The following ATF6 variants were observed in gnomAD, a reference collection of about 807,000 sequenced individuals.
ATF6 encodes the protein cyclic AMP-dependent transcription factor ATF-6 alpha.
In ATF6, 53 loss-of-function variants were observed where a neutral mutation model predicts 83.6. The ratio of observed to expected loss-of-function variants is 0.63; its 90% CI spans 0.51 to 0.80. ATF6 has a LOEUF of 0.80. Ranked by LOEUF, ATF6 falls within the 30% of genes least tolerant of loss-of-function variation. The pLI is 0.00. For synonymous variants in ATF6, 288 were observed against 285.8 expected (o/e 1.01, Z -0.08); for missense variants, 744 against 797.9 (o/e 0.93, Z 0.81).
chr1:161,947,769 A>G (rs1365531430), intron 15 of ATF6, among the ~76,000 whole-genome samples: 1 of 140,610 alleles, frequency 7.1e-6, no homozygotes, highest in Non-Finnish European at 1.5e-5. Flanking sequence ...ATTATTTCAT[A>G]TTATAGAAAT....
At position 161,958,646 on chromosome 1, in the gene ATF6, T is replaced by C. The variant is rs1323650007; in HGVS notation, c.2005T>C (p.Leu669=). ...THVVSTIPES[L]Q ...CGTTGTCAGCACCATCCCTGAGTCA[T>C]TACAATAGCACCCTGCAGCTATGCT... The change falls in exon 16 of 16, where the codon TTA becomes CTA. Residue 669 remains leucine, a synonymous_variant. Transcript: ENST00000367942. 2.2e-5 allele frequency: 36 copies of C among 1,611,532 alleles called. No individual in the cohort carries two copies. Among genetic ancestry groups the C allele is most frequent in the Non-Finnish European group, 3.1e-5 (36 of 1,178,856 alleles).
chr1:161,868,557 T>C (rs1687059292), intron 14 of ATF6, among the ~76,000 whole-genome samples: 1 of 152,102 alleles, frequency 6.6e-6, no homozygotes. Context: ...CAGCAATGCC[T>C]ACCACTGAGT....
rs534236103 is a variant in ATF6 at position 161,955,601 on chromosome 1, G to A, written c.1805-2845G>A. Among the ~76,000 whole-genome samples the A allele has an allele frequency of 4.6e-5, 7 of 152,302 alleles. No individual in the cohort carries two copies. In the South Asian group the frequency reaches 1.2e-3, roughly 27 times the overall value. On this transcript the variant is annotated intron_variant, in intron 15 of 15. Transcript: ENST00000367942. ...AGATTGCCTCACTAACTGTCCAAGG[G>A]TGTTAGTACTAAGCCACCCAAAGAA... is the stretch of plus-strand genomic sequence containing the variant.
At position 161,777,251 on chromosome 1, in the gene ATF6, G is replaced by A. The variant is rs116791819; in HGVS notation, c.83-993G>A. 8.4e-3 allele frequency among the ~76,000 whole-genome samples: 1,281 copies of A among 152,316 alleles called. 7 individuals carry two copies. Among genetic ancestry groups the A allele is most frequent in the Admixed American group, 0.017 (261 of 15,296 alleles). On this transcript the variant is annotated intron_variant, in intron 1 of 15. Transcript: ENST00000367942. ...TAAAGGAGTTTCAGCCTATATATAA[G>A]CCGCAGTCCTCTGCTTATATGTTTC...
rs2101924989 is a variant in ATF6 at position 161,958,531 on chromosome 1, T to C, written c.1890T>C (p.Ser630=). ...ACACCAGGATCCTCCATATCAAAAG[T>C]TCGTCAGTTCCTCCTTACCTCCGAG... ...VMDTRILHIK[S]SSVPPYLRDQ... Residue 630 remains serine (S), a synonymous_variant, in exon 16 of 16, where the codon AGT becomes AGC. Coordinates refer to ENST00000367942, the MANE Select transcript of ATF6 (RefSeq NM_007348.4). The C allele has an allele frequency of 6.2e-7, 1 of 1,613,888 alleles. No homozygotes were observed. The highest frequency in any genetic ancestry group is 1.1e-5 in the South Asian group (1 of 91,038).
chr1:161,905,582 A>G (rs144514069), intron 14 of ATF6, among the ~76,000 whole-genome samples: 32 of 152,348 alleles, frequency 2.1e-4, no homozygotes, highest in African/African-American at 7.2e-4. Context: ...TAAACATTAT[A>G]TATGACAAAC....
intron 14 of ATF6, among the ~76,000 whole-genome samples, chr1:161,897,539 C>T (rs1221268344): frequency 6.6e-6 from 1 of 152,134 alleles, no homozygotes; most frequent in South Asian, 2.1e-4. Context: ...GGCTGCTGCT[C>T]CTAAAAAACC....
chr1:161,845,884 GA>G (rs1272397646), intron 9 of ATF6, among the ~76,000 whole-genome samples: 1 of 152,034 alleles, frequency 6.6e-6, no homozygotes, highest in Non-Finnish European at 1.5e-5. Flanking sequence ...ATTGATGAGT[GA>G]AGATATTAGG....
intron 14 of ATF6, among the ~76,000 whole-genome samples, chr1:161,879,372 A>G (rs889130739): frequency 3.9e-5 from 6 of 152,142 alleles, no homozygotes; most frequent in African/African-American, 1.4e-4. Flanking sequence ...TATGCTTTAA[A>G]GTCAAATCTC....
chr1:161,947,362 A>T (rs1313056663), intron 15 of ATF6, among the ~76,000 whole-genome samples: 1 of 152,176 alleles, frequency 6.6e-6, no homozygotes, highest in Non-Finnish European at 1.5e-5. Context: ...GGGTGATTAG[A>T]TGTCGAGGGT....
chr1:161,868,328 A>G (rs979571462), intron 14 of ATF6, among the ~76,000 whole-genome samples: 8 of 152,298 alleles, frequency 5.3e-5, no homozygotes, highest in Admixed American at 3.9e-4. Context: ...TTCTGAGAAA[A>G]TGACTTTGGC....
At chr1:161,831,985 C>T (rs1370467972) in intron 9 of ATF6, among the ~76,000 whole-genome samples, 2 of 149,436 alleles carry the variant, frequency 1.3e-5, no homozygotes, top group African/African-American at 4.9e-5. Context: ...AGATACAGAG[C>T]CAGTTGAACA....
At chr1:161,944,093 C>T (rs1688703342) in intron 15 of ATF6, among the ~76,000 whole-genome samples, 1 of 152,168 alleles carries the variant, frequency 6.6e-6, no homozygotes, top group Non-Finnish European at 1.5e-5. Flanking sequence ...GGTATAGCAG[C>T]ATCAAAGCTA....
At chr1:161,832,271 C>G (rs1686082689) in intron 9 of ATF6, among the ~76,000 whole-genome samples, 2 of 152,106 alleles carry the variant, frequency 1.3e-5, no homozygotes, top group African/African-American at 4.8e-5. Context: ...CAGGTTAAGA[C>G]AGCAAAATAG....
At chr1:161,859,946 G>A (rs1571196331) in intron 12 of ATF6, among the ~76,000 whole-genome samples, 1 of 152,092 alleles carries the variant, frequency 6.6e-6, no homozygotes, top group African/African-American at 2.4e-5. Context: ...AATTTGTGGT[G>A]CTTGGACTAG....
intron 6 of ATF6, among the ~76,000 whole-genome samples, chr1:161,794,222 T>C (rs887499265): frequency 5.3e-5 from 8 of 152,216 alleles, no homozygotes; most frequent in South Asian, 4.2e-4. Flanking sequence ...GTTTTTATAG[T>C]ACAATCTAAA....
chr1:161,926,208 G>A (rs1688306056), intron 15 of ATF6, among the ~76,000 whole-genome samples: 1 of 152,192 alleles, frequency 6.6e-6, no homozygotes, highest in South Asian at 2.1e-4. Flanking sequence ...GGCAATAGAT[G>A]ATGGGTAGTT....
In ATF6 at chr1:161,849,878, GT is replaced by G. The variant is rs557840815; in HGVS notation, c.1320-1840del. Among the ~76,000 whole-genome samples, 449 of 152,222 alleles carry G rather than the reference GT, an allele frequency of 2.9e-3. 4 individuals carry two copies. The highest frequency in any genetic ancestry group is 4.0e-3 in the East Asian group (21 of 5,186). On this transcript the variant is annotated intron_variant, in intron 10 of 15. Coordinates refer to ENST00000367942, the MANE Select transcript of ATF6 (RefSeq NM_007348.4). ...ACTGTGGAACTCAGTTCCTCTCCCT[GT>G]TTTACTTCCAACCAATTTTCTACAA...
intron 15 of ATF6, among the ~76,000 whole-genome samples, chr1:161,943,222 TG>T (rs1235286176): frequency 6.6e-6 from 1 of 152,182 alleles, no homozygotes. Flanking sequence ...AATTCGATCA[TG>T]GGGGCTGTTT....
Sources: allele counts gnomAD v4.1 joint callset (sites outside exome capture counted in the v4.1 genomes callset), GRCh38; gene constraint gnomAD v4.1.1; transcripts MANE v1.5; gene names NCBI Gene and HGNC (gene_info 2026-07-23, HGNC 2026-07-21).